Variants in CNTN5 observed in about 807,000 individuals in gnomAD.
CNTN5 encodes the protein contactin-5.
Under a neutral mutation model 129.1 loss-of-function variants are expected in CNTN5, and 77 were observed. That is an observed-to-expected ratio of 0.60 (90% CI 0.50 to 0.72). The LOEUF (loss-of-function observed/expected upper bound fraction) is 0.72, where lower values mean the gene tolerates loss of function less well. Ranked by LOEUF, CNTN5 falls within the 30% of genes least tolerant of loss-of-function variation. CNTN5 has a pLI of 0.00. For missense variants in CNTN5, 1,478 were observed against 1,328.8 expected (o/e 1.11, Z -1.75); for synonymous variants, 509 against 465.6 (o/e 1.09, Z -1.20).
chr11:99,466,784 G>A (rs368009036), intron 2 of CNTN5, among the ~76,000 whole-genome samples: 18 of 152,114 alleles, frequency 1.2e-4, no homozygotes, highest in Non-Finnish European at 1.5e-5. Flanking sequence ...TACTGAGCGG[G>A]AAGAGAGGGT....
At chr11:99,898,986 T>A (rs931883836) in intron 6 of CNTN5, among the ~76,000 whole-genome samples, 1 of 152,012 alleles carries the variant, frequency 6.6e-6, no homozygotes, top group African/African-American at 2.4e-5. Flanking sequence ...ATAGAATTAA[T>A]GAAACTAAGC....
At chr11:100,036,985 C>A (rs996788270) in intron 9 of CNTN5, among the ~76,000 whole-genome samples, 6 of 150,634 alleles carry the variant, frequency 4.0e-5, no homozygotes, top group Non-Finnish European at 8.8e-5. Context: ...GATTGCCCTG[C>A]CCAGAACTTC....
chr11:99,768,064 A>C (rs1026190136), intron 3 of CNTN5, among the ~76,000 whole-genome samples: 3 of 152,100 alleles, frequency 2.0e-5, no homozygotes, highest in Non-Finnish European at 2.9e-5. Context: ...TTTGCACTGC[A>C]AGACTGAGTT....
intron 3 of CNTN5, among the ~76,000 whole-genome samples, chr11:99,788,940 C>T (rs1945636955): frequency 6.6e-6 from 1 of 151,688 alleles, no homozygotes; most frequent in African/African-American, 2.4e-5. Flanking sequence ...AAAAACGTTT[C>T]CAATAAGAGC....
intron 6 of CNTN5, among the ~76,000 whole-genome samples, chr11:99,905,984 T>C (rs1949493499): frequency 6.6e-6 from 1 of 152,190 alleles, no homozygotes; most frequent in African/African-American, 2.4e-5. Flanking sequence ...TTTTGCACAT[T>C]GATTTTGTAT....
intron 1 of CNTN5, among the ~76,000 whole-genome samples, chr11:99,286,261 C>A (rs192495275): frequency 1.3e-5 from 2 of 152,258 alleles, no homozygotes; most frequent in Non-Finnish European, 2.9e-5. Flanking sequence ...ACAACTTTGT[C>A]CTGCACTCAA....
In CNTN5 at chr11:99,865,348, C is replaced by CA. The variant is rs538700342; in HGVS notation, c.577+20094dup. Reference sequence around the variant, plus strand: ...ACACAATAAATGTATATCAGATTAACAAAAAAAATGCCAGGAATCAGAAGA... The same window carrying CA: ...ACACAATAAATGTATATCAGATTAACAAAAAAAAATGCCAGGAATCAGAAGA... On this transcript the variant is annotated intron_variant, in intron 6 of 24. Coordinates refer to ENST00000524871, the MANE Select transcript of CNTN5 (RefSeq NM_014361.4). Among the ~76,000 whole-genome samples the CA allele has an allele frequency of 2.6e-3, 392 of 150,858 alleles. 1 individual carries two copies. The highest frequency in any genetic ancestry group is 8.4e-3 in the Admixed American group (128 of 15,148).
rs577740834 is a variant in CNTN5, at chr11:99,382,458, T to C, written c.-71+56974T>C. Among the ~76,000 whole-genome samples, 46 of 152,304 alleles carry C rather than the reference T, an allele frequency of 3.0e-4. No individual in the cohort carries two copies. In the South Asian group the frequency reaches 9.1e-3, roughly 30 times the overall value. On this transcript the variant is annotated intron_variant, in intron 2 of 24. Transcript: ENST00000524871. ...AAATAAAGATTAAGAACTGCCACTC[T>C]ACCGCACAATTTGACAGCCTCCAAT...
intron 3 of CNTN5, among the ~76,000 whole-genome samples, chr11:99,686,674 G>T (rs147722154): frequency 1.6e-4 from 24 of 152,116 alleles, no homozygotes; most frequent in African/African-American, 5.8e-4. Context: ...TGGGTTTCGG[G>T]TGTATATTTT....
At chr11:99,536,603 C>T (rs1055048911) in intron 2 of CNTN5, among the ~76,000 whole-genome samples, 1 of 151,910 alleles carries the variant, frequency 6.6e-6, no homozygotes, top group Non-Finnish European at 1.5e-5. Flanking sequence ...ACTTGCCCTC[C>T]CTCATGCCTG....
chr11:99,608,967 T>C (rs1056310940), intron 3 of CNTN5, among the ~76,000 whole-genome samples: 2 of 152,298 alleles, frequency 1.3e-5, no homozygotes, highest in East Asian at 1.9e-4. Context: ...TCAACACTTA[T>C]TCTCCTTTCT....
chr11:100,259,973 C>T (rs1200634104), intron 17 of CNTN5, among the ~76,000 whole-genome samples: 1 of 151,638 alleles, frequency 6.6e-6, no homozygotes, highest in East Asian at 1.9e-4. Flanking sequence ...GATAGAGAAA[C>T]AAAAACCCTT....
At chr11:100,318,366 T>C (rs756916831) in intron 21 of CNTN5, among the ~76,000 whole-genome samples, 1 of 151,664 alleles carries the variant, frequency 6.6e-6, no homozygotes, top group Non-Finnish European at 1.5e-5. Flanking sequence ...GTTCATCAAA[T>C]GTCCATCCTC....
rs112261844 is a variant in CNTN5, at chr11:99,342,360, A to G, written c.-71+16876A>G. ...ATGATAAACGCCAAGGCTTTTACCT[A>G]TAACATAAAACAAAGTAGGACAATC... On this transcript the variant is annotated intron_variant, in intron 2 of 24. Coordinates refer to ENST00000524871, the MANE Select transcript of CNTN5 (RefSeq NM_014361.4). Among the ~76,000 whole-genome samples, 16 of 152,140 alleles carry G rather than the reference A, an allele frequency of 1.1e-4. 1 individual carries two copies. The highest frequency in any genetic ancestry group is 3.4e-3 in the Middle Eastern group (1 of 294).
chr11:100,138,714 T>C (rs1946602705), intron 13 of CNTN5, among the ~76,000 whole-genome samples: 1 of 152,230 alleles, frequency 6.6e-6, no homozygotes, highest in African/African-American at 2.4e-5. Flanking sequence ...TTGAGTGATA[T>C]AGAAGCCTTT....
intron 3 of CNTN5, among the ~76,000 whole-genome samples, chr11:99,735,084 G>A (rs1273875047): frequency 2.0e-5 from 3 of 152,244 alleles, no homozygotes; most frequent in Admixed American, 6.5e-5. Context: ...AACATCTTAG[G>A]TTCATTTATT....
intron 18 of CNTN5, among the ~76,000 whole-genome samples, chr11:100,287,790 C>T (rs553649773): frequency 6.6e-6 from 1 of 152,204 alleles, no homozygotes; most frequent in South Asian, 2.1e-4. Context: ...ACTAAATGCT[C>T]CAATTTAAAG....
chr11:99,220,609 A>C (rs1860350666), intron 1 of CNTN5, among the ~76,000 whole-genome samples: 1 of 151,944 alleles, frequency 6.6e-6, no homozygotes, highest in African/African-American at 2.4e-5. Flanking sequence ...ATTTTTAAAA[A>C]TCCATTACTT....
intron 3 of CNTN5, among the ~76,000 whole-genome samples, chr11:99,669,874 A>G (rs959533871): frequency 6.6e-6 from 1 of 152,178 alleles, no homozygotes; most frequent in African/African-American, 2.4e-5. Flanking sequence ...TAATGCATCT[A>G]TCATAAGCAA....
Sources: allele counts gnomAD v4.1 joint callset (sites outside exome capture counted in the v4.1 genomes callset), GRCh38; gene constraint gnomAD v4.1.1; transcripts MANE v1.5; gene names NCBI Gene and HGNC (gene_info 2026-07-23, HGNC 2026-07-21).